Variants in DIS3L2 observed in about 807,000 individuals in gnomAD.
The protein encoded by DIS3L2 is DIS3 like 3'-5' exoribonuclease 2, also known as DIS3-like exonuclease 2.
In DIS3L2, 34 loss-of-function variants were observed where a neutral mutation model predicts 97.5. The ratio of observed to expected loss-of-function variants is 0.35; its 90% CI spans 0.27 to 0.46. The LOEUF (loss-of-function observed/expected upper bound fraction) is 0.46, where lower values mean the gene tolerates loss of function less well. Ranked by LOEUF, DIS3L2 falls within the 20% of genes least tolerant of loss-of-function variation. DIS3L2 has a pLI of 1.00. For synonymous variants in DIS3L2, 435 were observed against 445.2 expected (o/e 0.98, Z 0.29); for missense variants, 1,038 against 1,146.0 (o/e 0.91, Z 1.36).
At chr2:232,247,816 A>G (rs1236110726) in intron 11 of DIS3L2, among the ~76,000 whole-genome samples, 2 of 152,238 alleles carry the variant, frequency 1.3e-5, no homozygotes, top group Non-Finnish European at 2.9e-5. Context: ...AATGTTAAAT[A>G]TTTGGATTAC....
At chr2:232,229,446 G>A (rs1255633212) in intron 10 of DIS3L2, among the ~76,000 whole-genome samples, 6 of 152,206 alleles carry the variant, frequency 3.9e-5, no homozygotes, top group Non-Finnish European at 7.3e-5. Context: ...TGCTCTCAGA[G>A]CTTCTCTGGA....
intron 13 of DIS3L2, among the ~76,000 whole-genome samples, chr2:232,294,552 G>A (rs748516199): frequency 6.6e-6 from 1 of 152,052 alleles, no homozygotes; most frequent in Admixed American, 6.5e-5. Context: ...CAGACCCTTG[G>A]CTCTCCATTC....
chr2:232,062,160 A>G (rs926140565), intron 5 of DIS3L2, among the ~76,000 whole-genome samples: 2 of 152,140 alleles, frequency 1.3e-5, no homozygotes, highest in African/African-American at 2.4e-5. Context: ...AGGTGGATGC[A>G]TGTTGCTTTC....
chr2:232,078,279 G>A (rs560104292), intron 5 of DIS3L2, among the ~76,000 whole-genome samples: 74 of 152,180 alleles, frequency 4.9e-4, no homozygotes, highest in African/African-American at 1.5e-3. Flanking sequence ...CCTGACCTCA[G>A]GTCATCCACC....
At chr2:232,095,644 T>C (rs899180263) in intron 6 of DIS3L2, among the ~76,000 whole-genome samples, 1 of 152,260 alleles carries the variant, frequency 6.6e-6, no homozygotes, top group African/African-American at 2.4e-5. Context: ...GTGTACCTAC[T>C]ATTATCAGTG....
chr2:232,320,684 G>A (rs1397106488), intron 14 of DIS3L2, among the ~76,000 whole-genome samples: 1 of 152,212 alleles, frequency 6.6e-6, no homozygotes, highest in Non-Finnish European at 1.5e-5. Context: ...TTCCACCCCT[G>A]AAAATAAGTC....
chr2:232,190,609 GAAGGAAGA>G (rs967342399), intron 9 of DIS3L2, among the ~76,000 whole-genome samples: 6 of 152,108 alleles, frequency 3.9e-5, no homozygotes, highest in Admixed American at 6.5e-5. Context: ...AGGAAGGAAG[GAAGGAAGA>G]AAGGAAGAAA....
chr2:232,131,974 G>A (rs925465301), intron 7 of DIS3L2: 4 of 126,954 alleles, frequency 3.2e-5, no homozygotes, highest in Non-Finnish European at 6.6e-5. Flanking sequence ...AAAAAGAGTC[G>A]TCGGTGGGCG....
At chr2:232,311,130 A>C (rs796879342) in intron 14 of DIS3L2, among the ~76,000 whole-genome samples, 4 of 152,330 alleles carry the variant, frequency 2.6e-5, no homozygotes, top group African/African-American at 9.6e-5. Context: ...TGGCTTTCTG[A>C]GGCCAGAACT....
chr2:231,984,247 A>C (rs2106182451), intron 1 of DIS3L2, among the ~76,000 whole-genome samples: 1 of 151,948 alleles, frequency 6.6e-6, no homozygotes, highest in East Asian at 1.9e-4. Flanking sequence ...TTATGTTGCT[A>C]ATTTTTGTTT....
At chr2:231,971,865 G>C (rs1278145277) in intron 1 of DIS3L2, among the ~76,000 whole-genome samples, 1 of 148,932 alleles carries the variant, frequency 6.7e-6, no homozygotes, top group Non-Finnish European at 1.5e-5. Flanking sequence ...ACAGGTGTGA[G>C]CCACCACGCC....
At position 232,087,491 on chromosome 2, in the gene DIS3L2, T is replaced by C. The variant is rs1017898352; in HGVS notation, c.371T>C (p.Val124Ala). The change falls in exon 6 of 21, where the codon GTT becomes GCT. Residue 124 changes from valine (V) to alanine (A), a missense_variant. Val to Ala is a moderately conservative substitution (Grantham distance 64). Around this residue, in one of 3 missense-constraint regions of DIS3L2, gnomAD observed 813 missense variants for 880.1 expected, o/e 0.92. Coordinates refer to ENST00000325385, the MANE Select transcript of DIS3L2 (RefSeq NM_152383.5). ...GAATTTTTCTGTTTTCTTTAGGTAG[T>C]TAAACCAGAGAGCAATGACAAAGAA... ...KLLPEEHWKV[V>A]KPESNDKETE... 5 of 1,610,730 alleles carry C rather than the reference T, an allele frequency of 3.1e-6. No individual in the cohort carries two copies. The African/African-American group carries it at 5.3e-5, about 17-fold the overall frequency.
At chr2:232,073,053 A>G (rs566121759) in intron 5 of DIS3L2, among the ~76,000 whole-genome samples, 1 of 152,316 alleles carries the variant, frequency 6.6e-6, no homozygotes, top group Non-Finnish European at 1.5e-5. Context: ...CTTTTAAATG[A>G]TAGTGCCCAT....
chr2:232,129,612 T>C (rs117444182), intron 6 of DIS3L2, among the ~76,000 whole-genome samples: 1 of 152,348 alleles, frequency 6.6e-6, no homozygotes, highest in East Asian at 1.9e-4. Flanking sequence ...TGATCATTCT[T>C]AAACCCCGGT....
At chr2:232,139,264 C>T (rs545904633) in intron 8 of DIS3L2, among the ~76,000 whole-genome samples, 11 of 152,210 alleles carry the variant, frequency 7.2e-5, no homozygotes, top group Non-Finnish European at 1.5e-4. Context: ...CCAGCCACCA[C>T]ACAGTATCTT....
At chr2:232,056,864 A>G (rs555024431) in intron 5 of DIS3L2, among the ~76,000 whole-genome samples, 7 of 152,328 alleles carry the variant, frequency 4.6e-5, no homozygotes, top group African/African-American at 1.7e-4. Flanking sequence ...ACTGCTTGGC[A>G]TCATTTGCTA....
At chr2:232,189,386 C>T (rs543291777) in intron 9 of DIS3L2, among the ~76,000 whole-genome samples, 8 of 152,192 alleles carry the variant, frequency 5.3e-5, no homozygotes, top group Admixed American at 2.0e-4. Context: ...CTGAATGGTA[C>T]TTGGCAACAA....
chr2:232,278,457 CTG>C (rs1397421499), intron 13 of DIS3L2, among the ~76,000 whole-genome samples: 2 of 152,198 alleles, frequency 1.3e-5, no homozygotes, highest in Non-Finnish European at 2.9e-5. Context: ...ACGTGCCCCT[CTG>C]TAGTCAGTTC....
intron 13 of DIS3L2, among the ~76,000 whole-genome samples, chr2:232,294,607 G>A (rs778045361): frequency 2.0e-5 from 3 of 152,030 alleles, no homozygotes; most frequent in Non-Finnish European, 2.9e-5. Flanking sequence ...CATCTCCAAG[G>A]TCAGACACAC....
Sources: allele counts gnomAD v4.1 joint callset (sites outside exome capture counted in the v4.1 genomes callset), GRCh38; gene constraint gnomAD v4.1.1; regional missense constraint gnomAD v4.1.1; transcripts MANE v1.5; gene names NCBI Gene and HGNC (gene_info 2026-07-23, HGNC 2026-07-21).